Variants in GTF2IRD2 observed in about 807,000 individuals in gnomAD.
The protein encoded by GTF2IRD2 is GTF2I repeat domain containing 2, also known as general transcription factor II-I repeat domain-containing protein 2A.
GTF2IRD2 carries 8 observed loss-of-function variants against 49.2 expected under a neutral mutation model. The observed-to-expected ratio is 0.16, with a 90% CI of 0.10 to 0.29. The LOEUF (loss-of-function observed/expected upper bound fraction) is 0.29. Among genes scored for constraint, GTF2IRD2 ranks in the 10% least tolerant of loss-of-function variants. The pLI is 1.00. For synonymous variants in GTF2IRD2, 47 were observed against 289.7 expected (o/e 0.16, Z 8.51); for missense variants, 130 against 725.7 (o/e 0.18, Z 9.43).
chr7:74,831,406 A>T (rs1349467047), intron 3 of GTF2IRD2, among the ~76,000 whole-genome samples: 2 of 149,620 alleles, frequency 1.3e-5, no homozygotes, highest in African/African-American at 4.9e-5. Flanking sequence ...TTATCTATCT[A>T]CCTATCTATC....
Position 74,822,653 on chromosome 7 carries a change from G to C in GTF2IRD2, c.513C>G (p.Asn171Lys). 1 of 606,814 alleles carries C rather than the reference G, an allele frequency of 1.6e-6. No homozygotes were observed. The highest frequency in any genetic ancestry group is 1.9e-5 in the South Asian group (1 of 51,566). 37.6% of individuals were successfully genotyped at this position (606,814 alleles called of 1,614,324 possible). Residue 171 changes from asparagine to lysine, a missense_variant, in exon 5 of 16, where the codon AAC becomes AAG. Physicochemically the swap from Asn to Lys is moderately conservative, Grantham distance 94 (BLOSUM62 0). Coordinates refer to ENST00000451013, the MANE Select transcript of GTF2IRD2 (RefSeq NM_173537.5). ...DLATLKWILE[N>K]KAGISFIINR... ...TTATGATGAATGAAATCCCTGCTTT[G>C]TTCTCCAAAATCCATTTCAGGGTTG... is the stretch of plus-strand genomic sequence containing the variant.
At chr7:74,831,340 T>C (rs1369354469) in intron 3 of GTF2IRD2, among the ~76,000 whole-genome samples, 1 of 150,952 alleles carries the variant, frequency 6.6e-6, no homozygotes, top group Non-Finnish European at 1.5e-5. Flanking sequence ...TTATCTATCA[T>C]CTATCCATTT....
Position 74,822,428 on chromosome 7 carries a change from C to T in GTF2IRD2, c.570G>A (p.Leu190=), listed in dbSNP as rs782298273. Residue 190 remains leucine, a splice_region_variant and synonymous_variant, in exon 6 of 16, where the codon CTG becomes CTA. Coordinates refer to ENST00000451013, the MANE Select transcript of GTF2IRD2 (RefSeq NM_173537.5). Reference sequence around the variant, plus strand: ...CAAACCTGAGAAGCTGTCACTTACCCAGCTGACTCTCTGGTCCTAGGAAGG... The same window carrying T: ...CAAACCTGAGAAGCTGTCACTTACCTAGCTGACTCTCTGGTCCTAGGAAGG... ...NRPFLGPESQ[L]GGPGMVTDAE... is the part of the protein sequence containing the mutation. 2.9e-5 allele frequency: 23 copies of T among 800,754 alleles called. 1 individual carries two copies. Among genetic ancestry groups the T allele is most frequent in the Middle Eastern group, 7.1e-4 (2 of 2,822 alleles). 49.6% of individuals were successfully genotyped at this position (800,754 alleles called of 1,614,324 possible).
intron 8 of GTF2IRD2, among the ~76,000 whole-genome samples, chr7:74,818,061 CT>C (rs587628294): frequency 4.3e-3 from 7 of 1,644 alleles, no homozygotes; most frequent in Admixed American, 9.2e-3. Context: ...CCGGCCTAAG[CT>C]TTTTTTTTTT....
In GTF2IRD2 at chr7:74,829,886, T is replaced by TCAAAAAAACAAAAA. The variant is rs1304516621; in HGVS notation, c.238+2918_238+2919insTTTTTGTTTTTTTG. On this transcript the variant is annotated intron_variant, in intron 3 of 15. Coordinates refer to ENST00000451013, the MANE Select transcript of GTF2IRD2 (RefSeq NM_173537.5). Reference sequence around the variant, plus strand: ...CTGGGCGATAGAGCGAGATTCTGTCTCAAAAAAAAAAAAAAATTCATATGG... The same window carrying TCAAAAAAACAAAAA: ...CTGGGCGATAGAGCGAGATTCTGTCTCAAAAAAACAAAAACAAAAAAAAAAAAAAATTCATATGG... Among the ~76,000 whole-genome samples, 2 of 18,230 alleles carry TCAAAAAAACAAAAA rather than the reference T, an allele frequency of 1.1e-4. 1 individual carries two copies. The highest frequency in any genetic ancestry group is 9.0e-4 in the African/African-American group (2 of 2,210). 12.0% of individuals were successfully genotyped at this position (18,230 alleles called of 152,430 possible).
chr7:74,826,699 CTTTTTTTTTTT>C (rs1175596623), intron 3 of GTF2IRD2, among the ~76,000 whole-genome samples: 7 of 16,598 alleles, frequency 4.2e-4, no homozygotes, highest in African/African-American at 1.3e-3. Flanking sequence ...TCATTTCATT[CTTTTTTTTTTT>C]TTTTTTTTTT....
chr7:74,842,107 G>A (rs1800885501), intron 1 of GTF2IRD2, among the ~76,000 whole-genome samples: 1 of 52,740 alleles, frequency 1.9e-5, no homozygotes, highest in Non-Finnish European at 3.2e-5. Flanking sequence ...CTGGGCAACA[G>A]AGTGAGACTC....
In GTF2IRD2 at chr7:74,798,205, T is replaced by C. The variant is rs2523352; in HGVS notation, c.1307A>G (p.Tyr436Cys). 1.1e-6 allele frequency: 1 copy of C among 874,968 alleles called. No homozygotes were observed. The highest frequency in any genetic ancestry group is 1.8e-5 in the Admixed American group (1 of 56,916). The allele number at this position is 874,968 out of a possible 1,614,324, so 54.2% of individuals were successfully genotyped here. ...AATATTCTGTACTTCCACGAAGAAATACGCTCTCTCCCACTTTTCTTGAAA... is the reference window on the plus strand; with the variant it reads ...AATATTCTGTACTTCCACGAAGAAACACGCTCTCTCCCACTTTTCTTGAAA... ...RVFQEKWERA[Y>C]FFVEVQNIPT... Residue 436 changes from tyrosine (Y) to cysteine (C), a missense_variant, in exon 16 of 16, where the codon TAT (tyrosine) becomes TGT (cysteine). By Grantham distance (194) the Tyr-to-Cys change is radical (BLOSUM62 -2). Coordinates refer to ENST00000451013, the MANE Select transcript of GTF2IRD2 (RefSeq NM_173537.5).
intron 10 of GTF2IRD2, among the ~76,000 whole-genome samples, chr7:74,810,087 C>G (rs1798036726): frequency 2.5e-5 from 1 of 39,574 alleles, no homozygotes; most frequent in African/African-American, 7.4e-5. Flanking sequence ...AGCCACCATG[C>G]CTGGCCCTTT....
chr7:74,809,784 A>C (rs1444877641), intron 10 of GTF2IRD2, among the ~76,000 whole-genome samples: 4 of 134,956 alleles, frequency 3.0e-5, no homozygotes, highest in African/African-American at 1.0e-4. Flanking sequence ...GGAAATCTTT[A>C]TTATTATTAT....
intron 15 of GTF2IRD2, among the ~76,000 whole-genome samples, chr7:74,798,818 G>A (rs1797240706): frequency 7.0e-6 from 1 of 142,920 alleles, no homozygotes; most frequent in African/African-American, 2.6e-5. Flanking sequence ...CAGATCTTCA[G>A]GTTTTCTAAA....
At chr7:74,800,201 G>GTTTTC (rs1228141829) in intron 15 of GTF2IRD2, among the ~76,000 whole-genome samples, 1 of 137,712 alleles carries the variant, frequency 7.3e-6, no homozygotes, top group African/African-American at 2.7e-5. Context: ...GGATACTTTG[G>GTTTTC]TTTTCTTTTC....
chr7:74,841,145 A>G (rs782741674), intron 1 of GTF2IRD2, among the ~76,000 whole-genome samples: 5 of 141,714 alleles, frequency 3.5e-5, no homozygotes, highest in Non-Finnish European at 7.5e-5. Flanking sequence ...CACCATGCCC[A>G]GCCTTATTTT....
chr7:74,826,008 A>G (rs1375217974), intron 3 of GTF2IRD2, among the ~76,000 whole-genome samples: 3 of 151,466 alleles, frequency 2.0e-5, no homozygotes, highest in Admixed American at 6.6e-5. Flanking sequence ...AATGGTCTCG[A>G]TCTCCTGACC....
chr7:74,797,804 C>T lies in GTF2IRD2; in HGVS notation c.1708G>A (p.Val570Ile). 7.2e-7 allele frequency: 1 copy of T among 1,397,160 alleles called. No individual in the cohort carries two copies. 86.5% of individuals were successfully genotyped at this position (1,397,160 alleles called of 1,614,324 possible). ...TCGGACACATCGAAATTCTCATCGA[C>T]ACCACGGATGAATATGGCCAACTGG... is the stretch of plus-strand genomic sequence containing the variant. ...TTQLAIFIRG[V>I]DENFDVSEEL... is the part of the protein sequence containing the mutation. The change falls in exon 16 of 16, where the codon GTC becomes ATC. Residue 570 changes from valine to isoleucine, a missense_variant. Physicochemically the swap from Val to Ile is conservative, Grantham distance 29 (BLOSUM62 3). Coordinates refer to ENST00000451013, the MANE Select transcript of GTF2IRD2 (RefSeq NM_173537.5).
At chr7:74,823,643 T>A (rs1390218415) in intron 4 of GTF2IRD2, among the ~76,000 whole-genome samples, 2 of 109,230 alleles carry the variant, frequency 1.8e-5, no homozygotes, top group Non-Finnish European at 1.9e-5. Flanking sequence ...TTTTTTTTTT[T>A]AATTCCCATC....
intron 2 of GTF2IRD2, among the ~76,000 whole-genome samples, chr7:74,833,324 G>A (rs1450174815): frequency 8.5e-5 from 6 of 70,462 alleles, no homozygotes; most frequent in African/African-American, 1.7e-4. Context: ...CTTGTGATCC[G>A]CCCACCTTGG....
At chr7:74,836,075 G>C (rs1326782274) in intron 2 of GTF2IRD2, among the ~76,000 whole-genome samples, 1 of 135,556 alleles carries the variant, frequency 7.4e-6, no homozygotes, top group South Asian at 2.2e-4. Flanking sequence ...TTGCTTGAAC[G>C]CAGGAGAATT....
At chr7:74,832,596 C>A in intron 3 of GTF2IRD2, 1 of 1,135,166 alleles carries the variant, frequency 8.8e-7, no homozygotes, top group Non-Finnish European at 1.3e-6. Flanking sequence ...AACCAGAGTA[C>A]CGCTGAGGAC....
Sources: gnomAD v4.1 joint callset for allele counts (sites outside exome capture counted in the v4.1 genomes callset) on GRCh38, gnomAD v4.1.1 for gene constraint, MANE v1.5 for transcripts, NCBI Gene and HGNC (gene_info 2026-07-23, HGNC 2026-07-21) for gene names.